The following CAMSAP3 variants were observed in gnomAD, a reference collection of about 807,000 sequenced individuals.
CAMSAP3 encodes calmodulin regulated spectrin associated protein family member 3, also known as calmodulin-regulated spectrin-associated protein 3.
A neutral mutation model predicts 112.5 loss-of-function variants in CAMSAP3; 34 were observed. The ratio of observed to expected loss-of-function variants is 0.30; its 90% confidence interval spans 0.23 to 0.40. CAMSAP3 has a LOEUF of 0.40. Among genes scored for constraint, CAMSAP3 ranks in the 10% least tolerant of loss-of-function variants. CAMSAP3 has a pLI of 1.00. For synonymous variants in CAMSAP3, 868 were observed against 799.8 expected (o/e 1.09, Z -1.44); for missense variants, 1,602 against 1,770.3 (o/e 0.90, Z 1.71).
At chr19:7,608,320 C>T in intron 5 of CAMSAP3, 56 bp downstream of exon 5, 1 of 1,576,826 alleles carries the variant, frequency 6.3e-7, no homozygotes, top group Non-Finnish European at 8.7e-7. Flanking sequence ...ATCCTAAGTC[C>T]CAGCCCCTAG....
chr19:7,600,712 ACCCT>A (rs2146156390), intron 1 of CAMSAP3, among the ~76,000 whole-genome samples: 1 of 7,618 alleles, frequency 1.3e-4, no homozygotes, highest in Non-Finnish European at 2.3e-4. Flanking sequence ...CCATCCACCC[ACCCT>A]TCCATCCACC....
Position 7,611,047 on chromosome 19 carries a change from G to A in CAMSAP3, c.1050-48G>A, listed in dbSNP as rs202246241. On this transcript the variant is annotated intron_variant, in intron 8 of 16. Coordinates refer to ENST00000160298, the MANE Select transcript of CAMSAP3 (RefSeq NM_020902.2). The surrounding 1 kb of genome is among the most constrained non-coding windows in gnomAD (Gnocchi z 6.9). ...CTGTTGTCTCCCCCCGGGGAGAGGC[G>A]GAGGAGGAGGTGGGGGTCCTGAGGC... The A allele has an allele frequency of 8.1e-6, 13 of 1,606,138 alleles. No individual in the cohort carries two copies. Among genetic ancestry groups the A allele is most frequent in the South Asian group, 5.5e-5 (5 of 90,830 alleles).
At position 7,608,508 on chromosome 19, in the gene CAMSAP3, T is replaced by C. The variant is rs375143664; in HGVS notation, c.760+244T>C. Reference sequence around the variant, plus strand: ...TCATTCCTGCAGCAGATGAAACGTATGGAGTGTGGACTGTGTGCCAGACCT... The same window carrying C: ...TCATTCCTGCAGCAGATGAAACGTACGGAGTGTGGACTGTGTGCCAGACCT... On this transcript the variant is annotated intron_variant, in intron 5 of 16. Transcript: ENST00000160298. 5.1e-4 allele frequency among the ~76,000 whole-genome samples: 78 copies of C among 152,226 alleles called. No individual in the cohort carries two copies. In the East Asian group the frequency reaches 8.1e-3, roughly 16 times the overall value.
In CAMSAP3 at chr19:7,612,348, C is replaced by A. The variant is rs1330112643; in HGVS notation, c.1855C>A (p.Arg619=). ...ACGCAGAGCCATCGAGGCTCAGAAG[C>A]GACGGATTGAGGCCATATTCGCCAA... ...EKRRAIEAQK[R]RIEAIFAKHR... Residue 619 remains arginine (R), a synonymous_variant, in exon 11 of 17, where the codon CGA becomes AGA. Transcript: ENST00000160298. The A allele has an allele frequency of 5.6e-6, 9 of 1,603,636 alleles. No individual in the cohort carries two copies. The highest frequency in any genetic ancestry group is 7.6e-6 in the Non-Finnish European group (9 of 1,177,746).
At chr19:7,601,271 T>C (rs1028981596) in intron 1 of CAMSAP3, among the ~76,000 whole-genome samples, 1 of 152,244 alleles carries the variant, frequency 6.6e-6, no homozygotes, top group African/African-American at 2.4e-5. Context: ...TAATGTGGCT[T>C]CTAGGAAACT....
chr19:7,616,953 T>TTTTTG (rs527401402), intron 14 of CAMSAP3, among the ~76,000 whole-genome samples: 12,474 of 131,948 alleles, frequency 0.095, 635 homozygotes, highest in Non-Finnish European at 0.13. Context: ...TTTTTTTTTT[T>TTTTTG]TTTTTGTTTT....
chr19:7,610,470 C>G lies in CAMSAP3; in HGVS notation c.761-6C>G. On this transcript the variant is annotated splice_polypyrimidine_tract_variant and splice_region_variant and intron_variant, in intron 5 of 16. Coordinates refer to ENST00000160298, the MANE Select transcript of CAMSAP3 (RefSeq NM_020902.2). This position sits in a 1 kb window ranked among gnomAD's most constrained non-coding sequence, Gnocchi z 4.9. ...AGTTGGGGACCCACTCCTCCTGTCCCCACAGAGGTGTGCTTGAAGGACCCC... is the reference window on the plus strand; with the variant it reads ...AGTTGGGGACCCACTCCTCCTGTCCGCACAGAGGTGTGCTTGAAGGACCCC... 6.2e-7 allele frequency: 1 copy of G among 1,608,036 alleles called. No homozygotes were observed. Among genetic ancestry groups the G allele is most frequent in the Non-Finnish European group, 8.5e-7 (1 of 1,177,242 alleles).
In CAMSAP3 at chr19:7,610,705, C is replaced by T; in HGVS notation, c.906C>T (p.Asn302=). 1.9e-6 allele frequency: 3 copies of T among 1,614,050 alleles called. No homozygotes were observed. The highest frequency in any genetic ancestry group is 2.2e-5 in the South Asian group (2 of 91,088). Residue 302 remains asparagine, a synonymous_variant, in exon 7 of 17, where the codon AAC becomes AAT. Coordinates refer to ENST00000160298, the MANE Select transcript of CAMSAP3 (RefSeq NM_020902.2). The surrounding 1 kb of genome is among the most constrained non-coding windows in gnomAD (Gnocchi z 4.9). The part of the protein sequence containing the change: ...LLYVPPPLKV[N]LVVMLAELFM... ...ACCCGGCCTCCCACCTCCAGGTCAACTTGGTGGTGATGCTGGCCGAGTTGT... is the reference window on the plus strand; with the variant it reads ...ACCCGGCCTCCCACCTCCAGGTCAATTTGGTGGTGATGCTGGCCGAGTTGT...
In CAMSAP3 at chr19:7,611,089, G is replaced by C. The variant is rs192934651; in HGVS notation, c.1050-6G>C. ...TCCTGAGGCTGAAGTACGTCTCTCC[G>C]TACAGTTCTCCTGTCTTCACCTTCC... On this transcript the variant is annotated splice_region_variant and splice_polypyrimidine_tract_variant and intron_variant, in intron 8 of 16. Coordinates refer to ENST00000160298, the MANE Select transcript of CAMSAP3 (RefSeq NM_020902.2). This position sits in a 1 kb window ranked among gnomAD's most constrained non-coding sequence, Gnocchi z 6.9. 1 of 1,613,576 alleles carries C rather than the reference G, an allele frequency of 6.2e-7. No homozygotes were observed. The highest frequency in any genetic ancestry group is 2.2e-5 in the East Asian group (1 of 44,884).
chr19:7,606,154 C>CCCCCCCCCCCCCCCAA, intron 2 of CAMSAP3, 117 bp from the exon 3 acceptor site: 4 of 488,850 alleles, frequency 8.2e-6, no homozygotes, highest in Admixed American at 5.4e-5. Context: ...CCCTCAAGCC[C>CCCCCCCCCCCCCCCAA]CACCCCCCCC....
chr19:7,610,642 C>T lies in CAMSAP3; in HGVS notation c.900+27C>T. The stretch of plus-strand genomic sequence containing the variant: ...TAAGGCCATCCTGGGGCCTCCTGGG[C>T]CGAGGCGGGCATCTGGGGCCAGGGG... On this transcript the variant is annotated intron_variant, in intron 6 of 16. Coordinates refer to ENST00000160298, the MANE Select transcript of CAMSAP3 (RefSeq NM_020902.2). The surrounding 1 kb of genome is among the most constrained non-coding windows in gnomAD (Gnocchi z 4.9). 1 of 1,613,668 alleles carries T rather than the reference C, an allele frequency of 6.2e-7. No individual in the cohort carries two copies. The highest frequency in any genetic ancestry group is 8.5e-7 in the Non-Finnish European group (1 of 1,179,946).
chr19:7,605,102 A>G (rs1428353149), intron 1 of CAMSAP3, 124 bp from the exon 2 acceptor site: 12 of 667,152 alleles, frequency 1.8e-5, no homozygotes, highest in South Asian at 2.6e-5. Context: ...TCCTTTCCCA[A>G]TGCCATCCTC....
At position 7,608,505 on chromosome 19, in the gene CAMSAP3, G is replaced by A. The variant is rs1402097086; in HGVS notation, c.760+241G>A. Among the ~76,000 whole-genome samples, 4 of 152,132 alleles carry A rather than the reference G, an allele frequency of 2.6e-5. No individual in the cohort carries two copies. The South Asian group carries it at 8.3e-4, about 31-fold the overall frequency. Reference sequence around the variant, plus strand: ...AGTTCATTCCTGCAGCAGATGAAACGTATGGAGTGTGGACTGTGTGCCAGA... The same window carrying A: ...AGTTCATTCCTGCAGCAGATGAAACATATGGAGTGTGGACTGTGTGCCAGA... On this transcript the variant is annotated intron_variant, in intron 5 of 16. Transcript: ENST00000160298.
At position 7,618,028 on chromosome 19, in the gene CAMSAP3, C is replaced by T; in HGVS notation, c.3721C>T (p.Pro1241Ser). The change falls in exon 17 of 17, where the codon CCC (proline) becomes TCC (serine). Residue 1241 changes from proline (P) to serine (S), a missense_variant. By Grantham distance (74) the Pro-to-Ser change is moderately conservative. Coordinates refer to ENST00000160298, the MANE Select transcript of CAMSAP3 (RefSeq NM_020902.2). ...HLWQGKKPTTPKKGGGTPK is the reference protein window; with the variant it reads ...HLWQGKKPTTSKKGGGTPK Reference sequence around the variant, plus strand: ...CTGGCAGGGCAAGAAACCCACCACTCCCAAGAAGGGCGGCGGCACCCCCAA... The same window carrying T: ...CTGGCAGGGCAAGAAACCCACCACTTCCAAGAAGGGCGGCGGCACCCCCAA... 1.9e-6 allele frequency: 3 copies of T among 1,613,576 alleles called. No homozygotes were observed. Among genetic ancestry groups the T allele is most frequent in the Non-Finnish European group, 2.5e-6 (3 of 1,179,700 alleles).
Position 7,595,925 on chromosome 19 carries a change from G to T in CAMSAP3, c.-78G>T. On this transcript the variant is annotated 5_prime_UTR_variant, in exon 1 of 17. Transcript: ENST00000160298. ...CAGCGGCGGTAGCAGCAGCGGGCCC[G>T]GCTGGGGCGCGAGCGCGGCGCAGCC... The T allele has an allele frequency of 1.4e-6, 1 of 726,062 alleles. No individual in the cohort carries two copies. 45.0% of individuals were successfully genotyped at this position (726,062 alleles called of 1,614,324 possible).
rs1006388723 is a variant in CAMSAP3, at chr19:7,610,488, A to G, written c.773A>G (p.Lys258Arg). ...QLLRLEEVCLKDPMSVADSLY... is the reference protein window; with the variant it reads ...QLLRLEEVCLRDPMSVADSLY... The stretch of plus-strand genomic sequence containing the variant: ...CCTGTCCCCACAGAGGTGTGCTTGA[A>G]GGACCCCATGTCTGTGGCGGACAGC... Residue 258 changes from lysine (K) to arginine (R), a missense_variant, in exon 6 of 17, where the codon AAG (lysine) becomes AGG (arginine). Transcript: ENST00000160298. The surrounding 1 kb of genome is among the most constrained non-coding windows in gnomAD (Gnocchi z 4.9). 1 of 1,612,484 alleles carries G rather than the reference A, an allele frequency of 6.2e-7. No homozygotes were observed. The highest frequency in any genetic ancestry group is 1.3e-5 in the African/African-American group (1 of 75,010).
Position 7,611,468 on chromosome 19 carries a change from A to G in CAMSAP3, c.1124-49A>G, listed in dbSNP as rs2030481497. The G allele has an allele frequency of 3.9e-6, 6 of 1,537,566 alleles. No individual in the cohort carries two copies. Among genetic ancestry groups the G allele is most frequent in the Non-Finnish European group, 5.3e-6 (6 of 1,137,796 alleles). On this transcript the variant is annotated intron_variant, in intron 9 of 16. Transcript: ENST00000160298. This position sits in a 1 kb window ranked among gnomAD's most constrained non-coding sequence, Gnocchi z 6.9. Reference sequence around the variant, plus strand: ...TTGTCCCCAGATGCTGGCTGACCCCACTCAGGGTTCCCAGGGTCCCCATAG... The same window carrying G: ...TTGTCCCCAGATGCTGGCTGACCCCGCTCAGGGTTCCCAGGGTCCCCATAG...
Position 7,615,793 on chromosome 19 carries a change from GGGGGGA to G in CAMSAP3, c.3112+84_3112+89del. On this transcript the variant is annotated intron_variant, in intron 13 of 16. Transcript: ENST00000160298. This position sits in a 1 kb window ranked among gnomAD's most constrained non-coding sequence, Gnocchi z 6.5. The stretch of plus-strand genomic sequence containing the variant: ...CACTGGGTGAGGCCCCCATGGGTAA[GGGGGGA>G]GGGGGAGGGAGATGTAAGCAGGGGT... The G allele has an allele frequency of 1.2e-5, 14 of 1,146,996 alleles. No homozygotes were observed. Among genetic ancestry groups the G allele is most frequent in the East Asian group, 3.2e-5 (1 of 31,520 alleles). 71.1% of individuals were successfully genotyped at this position (1,146,996 alleles called of 1,614,324 possible).
Position 7,612,901 on chromosome 19 carries a change from A to G in CAMSAP3, c.2408A>G (p.Asp803Gly). Reference protein sequence around the residue: ...PLTRVLTPPHDVDSLPHLRKF... With the variant: ...PLTRVLTPPHGVDSLPHLRKF... ...ACCAGGGTGCTTACGCCACCCCACG[A>G]CGTAGACAGCCTCCCCCACCTGCGC... The change falls in exon 11 of 17, where the codon GAC becomes GGC. Residue 803 changes from aspartate to glycine, a missense_variant. By Grantham distance (94) the Asp-to-Gly change is moderately conservative. Around this residue, in one of 6 missense-constraint regions of CAMSAP3, gnomAD observed 1,100 missense variants for 1,135.7 expected, o/e 0.97. Coordinates refer to ENST00000160298, the MANE Select transcript of CAMSAP3 (RefSeq NM_020902.2). 1 of 1,608,742 alleles carries G rather than the reference A, an allele frequency of 6.2e-7. No individual in the cohort carries two copies. Among genetic ancestry groups the G allele is most frequent in the Non-Finnish European group, 8.5e-7 (1 of 1,178,912 alleles).
Sources: allele counts gnomAD v4.1 joint callset (sites outside exome capture counted in the v4.1 genomes callset), GRCh38; gene constraint gnomAD v4.1.1; regional missense constraint gnomAD v4.1.1; non-coding constraint Gnocchi (gnomAD v3.1); transcripts MANE v1.5; gene names NCBI Gene and HGNC (gene_info 2026-07-23, HGNC 2026-07-21).